Variants in EBNA1BP2 observed in about 807,000 individuals in gnomAD.
EBNA1BP2 encodes probable rRNA-processing protein EBP2.
EBNA1BP2 carries 36 observed loss-of-function variants against 43.5 expected under a neutral mutation model. The observed-to-expected ratio is 0.83, with a 90% confidence interval of 0.63 to 1.09. EBNA1BP2 has a LOEUF of 1.09. Ranked by LOEUF, EBNA1BP2 falls within the 50% of genes least tolerant of loss-of-function variation. EBNA1BP2 has a pLI of 0.00. For missense variants in EBNA1BP2, 332 were observed against 379.1 expected (o/e 0.88, Z 1.03); for synonymous variants, 127 against 141.3 (o/e 0.90, Z 0.72).
intron 7 of EBNA1BP2, among the ~76,000 whole-genome samples, chr1:43,166,624 A>G (rs1239778025): frequency 6.6e-6 from 1 of 152,152 alleles, no homozygotes; most frequent in African/African-American, 2.4e-5. Context: ...AGAAGTTTAA[A>G]AAGTGCCTTC....
chr1:43,164,433 A>G lies in EBNA1BP2; in HGVS notation c.*10T>C. ...CCTTTTTCTTGGTTCTTTGTATTCA[A>G]AGATGCTATTTAGTGTGTTCTGTTC... On this transcript the variant is annotated 3_prime_UTR_variant, in exon 9 of 9. Transcript: ENST00000236051. The G allele has an allele frequency of 6.2e-7, 1 of 1,614,190 alleles. No homozygotes were observed. Among genetic ancestry groups the G allele is most frequent in the Non-Finnish European group, 8.5e-7 (1 of 1,180,024 alleles).
chr1:43,167,026 C>A, intron 6 of EBNA1BP2, 107 bp from the exon 7 acceptor site: 1 of 1,485,940 alleles, frequency 6.7e-7, no homozygotes, highest in South Asian at 1.1e-5. Context: ...AGAGTCACAT[C>A]CTGCTCTCCA....
At chr1:43,164,857 C>A (rs1159051577) in intron 7 of EBNA1BP2, 52 bp from the exon 8 acceptor site, 1 of 1,595,742 alleles carries the variant, frequency 6.3e-7, no homozygotes, top group East Asian at 2.2e-5. Flanking sequence ...GCCTGATGAA[C>A]CTGATGGCCC....
At chr1:43,171,809 G>T in intron 2 of EBNA1BP2, 77 bp downstream of exon 2, 1 of 1,585,782 alleles carries the variant, frequency 6.3e-7, no homozygotes, top group Non-Finnish European at 8.6e-7. Flanking sequence ...CCTGGGACAA[G>T]AATCGGTCTC....
In EBNA1BP2 at chr1:43,172,258, C is replaced by T. The variant is rs374465328; in HGVS notation, c.-140G>A. ...GCCGTGGCTCCACGTGCCACCGAAT[C>T]GCTCCAGCGCCAGCAACTCACAGCT... On this transcript the variant is annotated 5_prime_UTR_variant, in exon 1 of 9. Coordinates refer to ENST00000236051, the MANE Select transcript of EBNA1BP2 (RefSeq NM_006824.3). 6.4e-7 allele frequency: 1 copy of T among 1,555,692 alleles called. No homozygotes were observed. Among genetic ancestry groups the T allele is most frequent in the Admixed American group, 2.0e-5 (1 of 51,224 alleles).
At chr1:43,168,819 G>A in intron 5 of EBNA1BP2, 120 bp downstream of exon 5, 1 of 1,013,226 alleles carries the variant, frequency 9.9e-7, no homozygotes. Flanking sequence ...TACACTGAGA[G>A]ACGGTAAATA....
At chr1:43,170,032 T>C (rs925759051) in intron 4 of EBNA1BP2, among the ~76,000 whole-genome samples, 2 of 152,222 alleles carry the variant, frequency 1.3e-5, no homozygotes, top group African/African-American at 4.8e-5. Flanking sequence ...TCCACGAAAC[T>C]AGTCTCTAGT....
At chr1:43,172,337 G>T (rs1304612976), upstream of EBNA1BP2, 25 of 1,551,556 alleles carry the variant, frequency 1.6e-5, no homozygotes, top group Non-Finnish European at 2.2e-5. Context: ...CATACTTCCG[G>T]TTTGTCGTTG....
At chr1:43,169,687 C>T (rs1188587829) in intron 4 of EBNA1BP2, among the ~76,000 whole-genome samples, 1 of 152,178 alleles carries the variant, frequency 6.6e-6, no homozygotes. Context: ...CCTACACTCG[C>T]CTCCAGTATC....
At chr1:43,172,413 T>C, upstream of EBNA1BP2, 1 of 1,551,264 alleles carries the variant, frequency 6.4e-7, no homozygotes. Flanking sequence ...GTAGCGCCTC[T>C]GGATACATGC....
In EBNA1BP2 at chr1:43,172,039, C is replaced by A. The variant is rs760697376; in HGVS notation, c.66+14G>T. ...TCTCCCACGCCCAGCCCCACGAGCT[C>A]GGCTGACACCTACCTCTCTGTCTGT... is the stretch of plus-strand genomic sequence containing the variant. On this transcript the variant is annotated intron_variant, in intron 1 of 8. Coordinates refer to ENST00000236051, the MANE Select transcript of EBNA1BP2 (RefSeq NM_006824.3). 1 of 1,614,168 alleles carries A rather than the reference C, an allele frequency of 6.2e-7. No individual in the cohort carries two copies. Among genetic ancestry groups the A allele is most frequent in the Non-Finnish European group, 8.5e-7 (1 of 1,180,006 alleles).
At chr1:43,166,682 C>A in intron 7 of EBNA1BP2, 144 bp downstream of exon 7, 1 of 764,068 alleles carries the variant, frequency 1.3e-6, no homozygotes, top group South Asian at 1.8e-5. Flanking sequence ...ATCACACAGT[C>A]ATAGGGGTCC....
At chr1:43,169,471 G>T (rs1227292294) in intron 4 of EBNA1BP2, among the ~76,000 whole-genome samples, 1 of 152,134 alleles carries the variant, frequency 6.6e-6, no homozygotes, top group African/African-American at 2.4e-5. Context: ...AGTTGTCAGT[G>T]AGAATTTGTA....
At position 43,166,805 on chromosome 1, in the gene EBNA1BP2, C is replaced by A. The variant is rs371928130; in HGVS notation, c.707+21G>T. 34 of 1,597,572 alleles carry A rather than the reference C, an allele frequency of 2.1e-5. No individual in the cohort carries two copies. In the African/African-American group the frequency reaches 3.8e-4, roughly 18 times the overall value. ...ATCGCACCTCACAGAACCAAAGAAACCATGCCAAAACCCTTCTCACCCCTT... is the reference window on the plus strand; with the variant it reads ...ATCGCACCTCACAGAACCAAAGAAAACATGCCAAAACCCTTCTCACCCCTT... On this transcript the variant is annotated intron_variant, in intron 7 of 8. Transcript: ENST00000236051.
chr1:43,170,243 G>A (rs937093330), intron 4 of EBNA1BP2, among the ~76,000 whole-genome samples: 5 of 152,168 alleles, frequency 3.3e-5, no homozygotes, highest in Admixed American at 1.3e-4. Context: ...CCATGGCTAT[G>A]GAGGGCTGAA....
chr1:43,171,487 C>G lies in EBNA1BP2; in HGVS notation c.315G>C (p.Glu105Asp). The G allele has an allele frequency of 6.2e-7, 1 of 1,608,776 alleles. No individual in the cohort carries two copies. Among genetic ancestry groups the G allele is most frequent in the South Asian group, 1.1e-5 (1 of 90,532 alleles). ...TTTGAAAACAAACATACAAACTCAT[C>G]TCTCGCTGGAAGTCGTCTTCTGGAT... ...AVDPEDDFQR[E>D]MSFYRQAQAA... Residue 105 changes from glutamate to aspartate, a missense_variant, in exon 3 of 9, where the codon GAG (glutamate) becomes GAC (aspartate). Physicochemically the swap from Glu to Asp is conservative, Grantham distance 45. Around this residue, in one of 3 missense-constraint regions of EBNA1BP2, gnomAD observed 182 missense variants for 173.7 expected, o/e 1.05. Transcript: ENST00000236051.
At chr1:43,168,269 T>C (rs1161252817) in intron 5 of EBNA1BP2, among the ~76,000 whole-genome samples, 1 of 152,246 alleles carries the variant, frequency 6.6e-6, no homozygotes, top group Non-Finnish European at 1.5e-5. Flanking sequence ...TGTCCAAATG[T>C]TGACGAAGTC....
At chr1:43,167,085 G>T in intron 6 of EBNA1BP2, 75 bp downstream of exon 6, 1 of 1,539,734 alleles carries the variant, frequency 6.5e-7, no homozygotes, top group East Asian at 2.2e-5. Context: ...AACCAAGAAG[G>T]CTCCAAAGCA....
chr1:43,168,849 C>T (rs530315279), intron 5 of EBNA1BP2, 90 bp downstream of exon 5: 18 of 1,243,500 alleles, frequency 1.4e-5, no homozygotes, highest in East Asian at 2.3e-5. Flanking sequence ...CACACAGTTC[C>T]GTTCAGTTCA....
Sources: allele counts gnomAD v4.1 joint callset (sites outside exome capture counted in the v4.1 genomes callset), GRCh38; gene constraint gnomAD v4.1.1; regional missense constraint gnomAD v4.1.1; transcripts MANE v1.5; gene names NCBI Gene and HGNC (gene_info 2026-07-23, HGNC 2026-07-21).